Variants in SP4 observed in about 807,000 individuals in gnomAD.
The protein encoded by SP4 is Sp4 transcription factor.
A neutral mutation model predicts 72.8 loss-of-function variants in SP4; 19 were observed. The ratio of observed to expected loss-of-function variants is 0.26; its 90% confidence interval spans 0.18 to 0.38. SP4 has a LOEUF of 0.38. Among genes scored for constraint, SP4 ranks in the 10% least tolerant of loss-of-function variants. The pLI is 1.00. For missense variants in SP4, 1,008 were observed against 926.3 expected (o/e 1.09, Z -1.14); for synonymous variants, 395 against 333.1 (o/e 1.19, Z -2.02).
Position 21,428,188 on chromosome 7 carries a change from G to GGCCC in SP4, c.-64_-63insGCCC. The GGCCC allele has an allele frequency of 1.3e-5, 5 of 371,880 alleles. No homozygotes were observed. Among genetic ancestry groups the GGCCC allele is most frequent in the African/African-American group, 8.4e-5 (3 of 35,666 alleles). The allele number at this position is 371,880 out of a possible 1,614,324, so 23.0% of individuals were successfully genotyped here. The stretch of plus-strand genomic sequence containing the variant: ...CGGGACCGGCCTCTCCTCCCGCCTC[G>GGCCC]CCCCCACCCCCACCCACCTCTATCC... On this transcript the variant is annotated 5_prime_UTR_variant, in exon 1 of 6. Coordinates refer to ENST00000222584, the MANE Select transcript of SP4 (RefSeq NM_003112.5).
At position 21,507,880 on chromosome 7, in the gene SP4, T is replaced by A. The variant is rs142865995; in HGVS notation, c.2108-3142T>A. Among the ~76,000 whole-genome samples, 1,454 of 152,230 alleles carry A rather than the reference T, an allele frequency of 9.6e-3. 26 individuals are homozygous for A. Among genetic ancestry groups the A allele is most frequent in the African/African-American group, 0.033 (1,356 of 41,530 alleles). ...TTCTCTGGCCATTCTTTGTCCATTC[T>A]CCTCACGGGAGAACGGAACCATGGA... On this transcript the variant is annotated intron_variant, in intron 5 of 5. Transcript: ENST00000222584.
chr7:21,486,445 G>T (rs891756118), intron 5 of SP4, among the ~76,000 whole-genome samples: 1 of 152,014 alleles, frequency 6.6e-6, no homozygotes, highest in Admixed American at 6.6e-5. Flanking sequence ...GCATTTGTTT[G>T]TCATGTTTCC....
In SP4 at chr7:21,513,572, T is replaced by G. The variant is rs1782199727; in HGVS notation, c.*2303T>G. On this transcript the variant is annotated 3_prime_UTR_variant, in exon 6 of 6. Coordinates refer to ENST00000222584, the MANE Select transcript of SP4 (RefSeq NM_003112.5). ...TTTTATCTATCATTATGCTACACAATCAGTGCTATAAATTTTTTTATGCAA... is the reference window on the plus strand; with the variant it reads ...TTTTATCTATCATTATGCTACACAAGCAGTGCTATAAATTTTTTTATGCAA... 1 of 152,616 alleles carries G rather than the reference T, an allele frequency of 6.6e-6. No individual in the cohort carries two copies. The highest frequency in any genetic ancestry group is 1.5e-5 in the Non-Finnish European group (1 of 68,010). 9.5% of individuals were successfully genotyped at this position (152,616 alleles called of 1,614,324 possible).
chr7:21,487,265 C>T (rs1473892589), intron 5 of SP4, among the ~76,000 whole-genome samples: 1 of 152,090 alleles, frequency 6.6e-6, no homozygotes, highest in Non-Finnish European at 1.5e-5. Context: ...CTGCTAATTT[C>T]ATAATGCTGT....
At chr7:21,497,818 G>C (rs1353260352) in intron 5 of SP4, among the ~76,000 whole-genome samples, 1 of 152,154 alleles carries the variant, frequency 6.6e-6, no homozygotes, top group Non-Finnish European at 1.5e-5. Context: ...AATAACCAAA[G>C]AGCTTCTATA....
intron 5 of SP4, among the ~76,000 whole-genome samples, chr7:21,495,620 C>T (rs1401867516): frequency 6.6e-6 from 1 of 152,100 alleles, no homozygotes; most frequent in Non-Finnish European, 1.5e-5. Flanking sequence ...GGTGAGGATG[C>T]AGAGCAATTG....
intron 5 of SP4, among the ~76,000 whole-genome samples, chr7:21,508,972 T>G (rs1184382333): frequency 6.6e-6 from 1 of 152,166 alleles, no homozygotes; most frequent in Admixed American, 6.5e-5. Flanking sequence ...ACGACAAATT[T>G]ATTCTAATTG....
rs377124689 is a variant in SP4 at position 21,428,268 on chromosome 7, C to G, written c.7+10C>G. 7.5e-7 allele frequency: 1 copy of G among 1,332,370 alleles called. No individual in the cohort carries two copies. The highest frequency in any genetic ancestry group is 1.6e-5 in the African/African-American group (1 of 62,910). 82.5% of individuals were successfully genotyped at this position (1,332,370 alleles called of 1,614,324 possible). Reference sequence around the variant, plus strand: ...TAATGCGGGATGAGCGGTACGTATTCTCCACCCCCCTCAGTCTCCTTCGCC... The same window carrying G: ...TAATGCGGGATGAGCGGTACGTATTGTCCACCCCCCTCAGTCTCCTTCGCC... On this transcript the variant is annotated intron_variant, in intron 1 of 5. Coordinates refer to ENST00000222584, the MANE Select transcript of SP4 (RefSeq NM_003112.5).
rs1329562956 is a variant in SP4, at chr7:21,512,252, A to C, written c.*983A>C. The C allele has an allele frequency of 6.6e-6, 1 of 152,644 alleles. No individual in the cohort carries two copies. The highest frequency in any genetic ancestry group is 1.5e-5 in the Non-Finnish European group (1 of 68,036). The allele number at this position is 152,644 out of a possible 1,614,324, so 9.5% of individuals were successfully genotyped here. A position where few individuals can be genotyped will look rare whatever the true frequency, so the allele number is the denominator to read the frequency against. ...TGATGTGGTAGCCAAAGAAAGAATT[A>C]CACTTTTTTCCAAGGCCAGCAGAAA... On this transcript the variant is annotated 3_prime_UTR_variant, in exon 6 of 6. Transcript: ENST00000222584.
At chr7:21,493,318 AG>A (rs1785026725) in intron 5 of SP4, among the ~76,000 whole-genome samples, 1 of 152,198 alleles carries the variant, frequency 6.6e-6, no homozygotes, top group Non-Finnish European at 1.5e-5. Context: ...GCCAAGAAAA[AG>A]TTTCAAGGGA....
At chr7:21,436,127 G>A (rs1041162808) in intron 3 of SP4, among the ~76,000 whole-genome samples, 3 of 152,176 alleles carry the variant, frequency 2.0e-5, no homozygotes, top group African/African-American at 7.2e-5. Context: ...TCGAACTCTT[G>A]ACCTCAGGTG....
In SP4 at chr7:21,511,466, A is replaced by C; in HGVS notation, c.*197A>C. 1.8e-6 allele frequency: 1 copy of C among 555,890 alleles called. No individual in the cohort carries two copies. Among genetic ancestry groups the C allele is most frequent in the East Asian group, 2.9e-5 (1 of 34,200 alleles). The allele number at this position is 555,890 out of a possible 1,614,324, so 34.4% of individuals were successfully genotyped here. A position where few individuals can be genotyped will look rare whatever the true frequency, so the allele number is the denominator to read the frequency against. On this transcript the variant is annotated 3_prime_UTR_variant, in exon 6 of 6. Coordinates refer to ENST00000222584, the MANE Select transcript of SP4 (RefSeq NM_003112.5). ...TACAAAAAGCAGACTGATGTACTGG[A>C]AACAGAAAAGTATTTCCTCCATACT...
chr7:21,473,488 A>G (rs1784408503), intron 3 of SP4, among the ~76,000 whole-genome samples: 1 of 152,246 alleles, frequency 6.6e-6, no homozygotes, highest in South Asian at 2.1e-4. Context: ...AGCAGTGAAC[A>G]TAATAGGCAA....
At chr7:21,485,987 C>A (rs1156647395) in intron 5 of SP4, among the ~76,000 whole-genome samples, 1 of 151,962 alleles carries the variant, frequency 6.6e-6, no homozygotes, top group Non-Finnish European at 1.5e-5. Flanking sequence ...GGAAAACGTG[C>A]TGAAATGCTT....
intron 5 of SP4, among the ~76,000 whole-genome samples, chr7:21,501,579 G>T (rs1781862633): frequency 6.6e-6 from 1 of 152,182 alleles, no homozygotes; most frequent in South Asian, 2.1e-4. Context: ...CTGCTGTTAA[G>T]ACTTCTGCCA....
chr7:21,436,605 A>T (rs575174910), intron 3 of SP4, among the ~76,000 whole-genome samples: 20 of 152,160 alleles, frequency 1.3e-4, no homozygotes, highest in African/African-American at 1.7e-4. Flanking sequence ...TAACGGGGGA[A>T]CCTGGCCTAA....
At chr7:21,465,563 G>C (rs142297908) in intron 3 of SP4, among the ~76,000 whole-genome samples, 1 of 152,210 alleles carries the variant, frequency 6.6e-6, no homozygotes, top group African/African-American at 2.4e-5. Context: ...GAGTAAGTGC[G>C]AGTGATTATT....
At chr7:21,446,284 G>A (rs1405227832) in intron 3 of SP4, among the ~76,000 whole-genome samples, 2 of 152,066 alleles carry the variant, frequency 1.3e-5, no homozygotes, top group Non-Finnish European at 2.9e-5. Flanking sequence ...AAACGTGATT[G>A]TTGAAATCAA....
chr7:21,429,168 G>T, intron 2 of SP4, 121 bp from the exon 3 acceptor site: 1 of 605,658 alleles, frequency 1.7e-6, no homozygotes, highest in Non-Finnish European at 2.9e-6. Context: ...GATTTCTGCT[G>T]CTTCCTAAAT....
Sources: gnomAD v4.1 joint callset for allele counts (sites outside exome capture counted in the v4.1 genomes callset) on GRCh38, gnomAD v4.1.1 for gene constraint, MANE v1.5 for transcripts, NCBI Gene and HGNC (gene_info 2026-07-23, HGNC 2026-07-21) for gene names.